HS6ST3: variants seen among roughly 807,000 people sequenced by gnomAD.
The protein encoded by HS6ST3 is heparan-sulfate 6-O-sulfotransferase 3.
HS6ST3 carries 12 observed loss-of-function variants against 36.7 expected under a neutral mutation model. The ratio of observed to expected loss-of-function variants is 0.33; its 90% CI spans 0.21 to 0.53. The LOEUF (loss-of-function observed/expected upper bound fraction) is 0.53. Ranked by LOEUF, HS6ST3 falls within the 20% of genes least tolerant of loss-of-function variation. The pLI, the probability that HS6ST3 is intolerant of heterozygous loss-of-function variation, is 0.95. For synonymous variants in HS6ST3, 240 were observed against 257.5 expected, an observed-to-expected ratio of 0.93 and a Z score of 0.65; for missense variants, 584 against 640.9, an observed-to-expected ratio of 0.91 and a Z score of 0.96.
intron 1 of HS6ST3, among the ~76,000 whole-genome samples, chr13:96,410,617 T>G (rs772948912): frequency 2.6e-5 from 4 of 152,118 alleles, no homozygotes; most frequent in Non-Finnish European, 5.9e-5. Flanking sequence ...AAAAATATGG[T>G]TTGTTAACCA....
chr13:96,328,914 G>A (rs2055048354), intron 1 of HS6ST3, among the ~76,000 whole-genome samples: 2 of 152,218 alleles, frequency 1.3e-5, no homozygotes, highest in Admixed American at 1.3e-4. Context: ...TCTTGGGGGA[G>A]TGTATGTGTC....
chr13:96,634,887 CA>C (rs752433215), intron 1 of HS6ST3, among the ~76,000 whole-genome samples: 129,022 of 151,944 alleles, frequency 0.85, 55,029 homozygotes, highest in South Asian at 0.91. Context: ...AAGTTTGAGT[CA>C]TTAGGTTTAA....
intron 1 of HS6ST3, among the ~76,000 whole-genome samples, chr13:96,587,329 T>C (rs1310979931): frequency 6.6e-6 from 1 of 152,202 alleles, no homozygotes; most frequent in African/African-American, 2.4e-5. Context: ...TTTTCTATTT[T>C]TGTGAAGAAT....
intron 1 of HS6ST3, among the ~76,000 whole-genome samples, chr13:96,362,355 A>T (rs2055242642): frequency 6.6e-6 from 1 of 152,214 alleles, no homozygotes; most frequent in African/African-American, 2.4e-5. Flanking sequence ...TTGGGTTAGA[A>T]TGTGTTGTAT....
At position 96,443,951 on chromosome 13, in the gene HS6ST3, A is replaced by G. The variant is rs187635768; in HGVS notation, c.707+352382A>G. ...TCATCACAGATTGCACTTACATAGT[A>G]TGAACCACAATCCTGATACTGCTGT... On this transcript the variant is annotated intron_variant, in intron 1 of 1. Coordinates refer to ENST00000376705, the MANE Select transcript of HS6ST3 (RefSeq NM_153456.4). Among the ~76,000 whole-genome samples, 8 of 152,356 alleles carry G rather than the reference A, an allele frequency of 5.3e-5. No individual in the cohort carries two copies. The South Asian group carries it at 1.2e-3, about 24-fold the overall frequency.
chr13:96,681,136 G>A (rs965047356), intron 1 of HS6ST3, among the ~76,000 whole-genome samples: 3 of 152,174 alleles, frequency 2.0e-5, no homozygotes, highest in African/African-American at 7.2e-5. Context: ...TCGAAGAAGA[G>A]TGCTGGATCA....
At chr13:96,113,642 A>G (rs1325131309) in intron 1 of HS6ST3, among the ~76,000 whole-genome samples, 3 of 152,210 alleles carry the variant, frequency 2.0e-5, no homozygotes, top group Non-Finnish European at 4.4e-5. Flanking sequence ...TCATGAAATT[A>G]TGGTGAAATG....
chr13:96,676,052 G>A (rs889980719), intron 1 of HS6ST3, among the ~76,000 whole-genome samples: 3 of 152,134 alleles, frequency 2.0e-5, no homozygotes, highest in Admixed American at 6.6e-5. Flanking sequence ...CCGTGCACAG[G>A]CAGCCCAGAA....
At chr13:96,442,938 C>G (rs1218100658) in intron 1 of HS6ST3, among the ~76,000 whole-genome samples, 2 of 151,886 alleles carry the variant, frequency 1.3e-5, no homozygotes, top group African/African-American at 4.8e-5. Context: ...GACTGGTCAA[C>G]TTTAAGAAAA....
chr13:96,198,451 A>T (rs1341112663), intron 1 of HS6ST3, among the ~76,000 whole-genome samples: 1 of 152,212 alleles, frequency 6.6e-6, no homozygotes, highest in African/African-American at 2.4e-5. Context: ...TCAGGCTGCA[A>T]ATTTTCCAAA....
intron 1 of HS6ST3, among the ~76,000 whole-genome samples, chr13:96,150,360 A>G (rs928817412): frequency 6.6e-6 from 1 of 152,108 alleles, no homozygotes; most frequent in African/African-American, 2.4e-5. Context: ...AGCCAGGGAT[A>G]GAAGTTCTCA....
intron 1 of HS6ST3, among the ~76,000 whole-genome samples, chr13:96,327,333 A>G (rs922262861): frequency 1.3e-5 from 2 of 151,990 alleles, no homozygotes; most frequent in Non-Finnish European, 1.5e-5. Flanking sequence ...TAAGTCTTTA[A>G]TCCATCTTCA....
chr13:96,264,519 T>A (rs866890847), intron 1 of HS6ST3, among the ~76,000 whole-genome samples: 2 of 152,348 alleles, frequency 1.3e-5, no homozygotes, highest in Middle Eastern at 6.8e-3. Context: ...TTGCTTGTAT[T>A]TCTGGTACTA....
intron 1 of HS6ST3, among the ~76,000 whole-genome samples, chr13:96,303,035 C>G (rs1167404510): frequency 1.3e-5 from 2 of 152,148 alleles, no homozygotes; most frequent in African/African-American, 4.8e-5. Flanking sequence ...GCGATAGAGA[C>G]TGTATGGCCT....
chr13:96,800,288 G>T (rs949069487), intron 1 of HS6ST3, among the ~76,000 whole-genome samples: 1 of 150,720 alleles, frequency 6.6e-6, no homozygotes, highest in Non-Finnish European at 1.5e-5. Flanking sequence ...CATTTCTTCT[G>T]TCCCTCAGTG....
intron 1 of HS6ST3, among the ~76,000 whole-genome samples, chr13:96,266,877 T>C (rs1194048234): frequency 6.6e-6 from 1 of 152,106 alleles, no homozygotes; most frequent in Admixed American, 6.6e-5. Context: ...CAAGGAATGG[T>C]CAGTCTGCGT....
chr13:96,222,263 C>G (rs182898916), intron 1 of HS6ST3, among the ~76,000 whole-genome samples: 141 of 152,024 alleles, frequency 9.3e-4, no homozygotes, highest in Non-Finnish European at 1.8e-3. Flanking sequence ...CTACATAAGA[C>G]AAAGAATAAA....
At chr13:96,280,808 A>G (rs1425538905) in intron 1 of HS6ST3, among the ~76,000 whole-genome samples, 7 of 152,186 alleles carry the variant, frequency 4.6e-5, no homozygotes, top group Non-Finnish European at 1.0e-4. Flanking sequence ...TTGCAACAGA[A>G]TAAGAGAAGT....
At chr13:96,385,577 A>T (rs2055363496) in intron 1 of HS6ST3, among the ~76,000 whole-genome samples, 1 of 152,210 alleles carries the variant, frequency 6.6e-6, no homozygotes, top group African/African-American at 2.4e-5. Context: ...TTACCTGCCC[A>T]CTACAGATAT....
Sources: gnomAD v4.1 joint callset for allele counts (sites outside exome capture counted in the v4.1 genomes callset) on GRCh38, gnomAD v4.1.1 for gene constraint, MANE v1.5 for transcripts, NCBI Gene and HGNC (gene_info 2026-07-23, HGNC 2026-07-21) for gene names.